The following RAPGEF2 variants were observed in gnomAD, a reference collection of about 807,000 sequenced individuals.
The protein encoded by RAPGEF2 is Rap guanine nucleotide exchange factor 2.
A neutral mutation model predicts 186.7 loss-of-function variants in RAPGEF2; 54 were observed. The observed-to-expected ratio is 0.29, with a 90% CI of 0.23 to 0.36. The LOEUF is 0.36. Among genes scored for constraint, RAPGEF2 ranks in the 10% least tolerant of loss-of-function variants. The pLI is 1.00. For missense variants in RAPGEF2, 1,532 were observed against 2,045.0 expected (o/e 0.75, Z 4.84); for synonymous variants, 712 against 705.9 (o/e 1.01, Z -0.14).
chr4:159,127,139 G>A (rs961108389), intron 1 of RAPGEF2, among the ~76,000 whole-genome samples: 8 of 152,272 alleles, frequency 5.3e-5, no homozygotes, highest in Non-Finnish European at 1.2e-4. Context: ...CGATTCTCCT[G>A]CCTCAGCCTC....
chr4:159,120,896 C>T (rs1173961313), intron 1 of RAPGEF2, among the ~76,000 whole-genome samples: 1 of 151,736 alleles, frequency 6.6e-6, no homozygotes, highest in African/African-American at 2.4e-5. Flanking sequence ...GCCCTGTTGC[C>T]CAGGCTATAG....
At chr4:159,243,874 T>G in intron 7 of RAPGEF2, 83 bp downstream of exon 7, 1 of 1,009,966 alleles carries the variant, frequency 9.9e-7, no homozygotes, top group Admixed American at 2.3e-5. Context: ...TTTATAATAT[T>G]CATATGTTTT....
At chr4:159,119,444 T>C (rs1434997680) in intron 1 of RAPGEF2, among the ~76,000 whole-genome samples, 1 of 152,218 alleles carries the variant, frequency 6.6e-6, no homozygotes, top group African/African-American at 2.4e-5. Flanking sequence ...AGTATTTTGC[T>C]TTTAAGCCTC....
At chr4:159,251,923 C>T (rs1755473443) in intron 7 of RAPGEF2, among the ~76,000 whole-genome samples, 1 of 151,974 alleles carries the variant, frequency 6.6e-6, no homozygotes, top group Non-Finnish European at 1.5e-5. Flanking sequence ...TTGGGTCTGC[C>T]ACGTCTTTAA....
chr4:159,268,132 C>T, intron 7 of RAPGEF2: 1 of 1,611,538 alleles, frequency 6.2e-7, no homozygotes, highest in Non-Finnish European at 8.5e-7. Context: ...TGTGTAAATT[C>T]AGTTCAGCAT....
rs781603441 is a variant in RAPGEF2, at chr4:159,314,744, A to C, written c.829A>C (p.Ile277Leu). 6.2e-7 allele frequency: 1 copy of C among 1,609,452 alleles called. No individual in the cohort carries two copies. Among genetic ancestry groups the C allele is most frequent in the Non-Finnish European group, 8.5e-7 (1 of 1,178,608 alleles). Residue 277 changes from isoleucine to leucine, a missense_variant, in exon 9 of 30, where the codon ATT becomes CTT. Physicochemically the swap from Ile to Leu is conservative, Grantham distance 5. Around this residue, in one of 4 missense-constraint regions of RAPGEF2, gnomAD observed 810 missense variants for 1,210.5 expected, o/e 0.67. Coordinates refer to ENST00000691494, the MANE Select transcript of RAPGEF2 (RefSeq NM_001394067.2). ...GAGAGACTGCCTAGAGAAGGACCCA[A>C]TTGACCGGACAGATGATGACATTGG... ...IVRDCLEKDP[I>L]DRTDDDIEQL...
intron 1 of RAPGEF2, among the ~76,000 whole-genome samples, chr4:159,156,341 TC>T (rs1744114693): frequency 6.6e-6 from 1 of 152,218 alleles, no homozygotes; most frequent in South Asian, 2.1e-4. Context: ...TTACTAATTT[TC>T]TTTGAACAAT....
intron 1 of RAPGEF2, among the ~76,000 whole-genome samples, chr4:159,116,989 A>T (rs1376973977): frequency 6.6e-6 from 1 of 152,220 alleles, no homozygotes; most frequent in East Asian, 1.9e-4. Context: ...TGTTACCTAT[A>T]ACAAGCCTGC....
At chr4:159,295,866 A>G (rs1761953897) in intron 7 of RAPGEF2, among the ~76,000 whole-genome samples, 1 of 152,134 alleles carries the variant, frequency 6.6e-6, no homozygotes, top group Non-Finnish European at 1.5e-5. Flanking sequence ...ATCAGAAAAT[A>G]AGCCACCTTA....
chr4:159,172,443 T>G (rs767390588), intron 1 of RAPGEF2, among the ~76,000 whole-genome samples: 1 of 152,184 alleles, frequency 6.6e-6, no homozygotes, highest in Non-Finnish European at 1.5e-5. Flanking sequence ...CTTCATAGGA[T>G]ATTCACTCTT....
intron 4 of RAPGEF2, among the ~76,000 whole-genome samples, chr4:159,210,858 T>C (rs1469672688): frequency 1.3e-5 from 2 of 152,218 alleles, no homozygotes; most frequent in African/African-American, 4.8e-5. Flanking sequence ...CATTTGCTCC[T>C]AGGGAATAAA....
chr4:159,294,313 G>A (rs151223242), intron 7 of RAPGEF2, among the ~76,000 whole-genome samples: 208 of 152,162 alleles, frequency 1.4e-3, no homozygotes, highest in African/African-American at 4.8e-3. Context: ...CTTCAGTTGG[G>A]ATAACTAAGT....
At chr4:159,337,915 AAAG>A (rs1276226655) in intron 17 of RAPGEF2, among the ~76,000 whole-genome samples, 3 of 145,390 alleles carry the variant, frequency 2.1e-5, no homozygotes, top group Non-Finnish European at 4.5e-5. Context: ...AAAAAAAAAG[AAAG>A]AAAAACCATA....
At chr4:159,253,219 G>A (rs982848456) in intron 7 of RAPGEF2, among the ~76,000 whole-genome samples, 2 of 152,212 alleles carry the variant, frequency 1.3e-5, no homozygotes, top group Non-Finnish European at 2.9e-5. Flanking sequence ...ACCAGTAGTG[G>A]TTTCTTAAAG....
chr4:159,145,472 A>G (rs1742851836), intron 1 of RAPGEF2, among the ~76,000 whole-genome samples: 1 of 152,052 alleles, frequency 6.6e-6, no homozygotes, highest in African/African-American at 2.4e-5. Flanking sequence ...TAATTTACCA[A>G]AAACATTGCC....
chr4:159,110,469 C>T (rs183579007), intron 1 of RAPGEF2, among the ~76,000 whole-genome samples: 43 of 152,136 alleles, frequency 2.8e-4, no homozygotes, highest in African/African-American at 9.2e-4. Flanking sequence ...CCCAGCTACT[C>T]GGGGAGACTG....
intron 7 of RAPGEF2, among the ~76,000 whole-genome samples, chr4:159,246,715 AAT>A (rs778945847): frequency 3.3e-5 from 5 of 152,148 alleles, no homozygotes; most frequent in Non-Finnish European, 7.4e-5. Context: ...TATGTTCTTA[AAT>A]AAGAAGTAGG....
intron 2 of RAPGEF2, among the ~76,000 whole-genome samples, chr4:159,192,950 C>T (rs1329678379): frequency 6.6e-6 from 1 of 152,090 alleles, no homozygotes; most frequent in Non-Finnish European, 1.5e-5. Context: ...TGTTCTTCCC[C>T]ATAAAATAAA....
At chr4:159,350,898 G>A (rs911393560) in intron 26 of RAPGEF2, among the ~76,000 whole-genome samples, 1 of 152,204 alleles carries the variant, frequency 6.6e-6, no homozygotes, top group Admixed American at 6.5e-5. Context: ...TTCCCTAAAG[G>A]AAAGCCAAAA....
Sources: allele counts gnomAD v4.1 joint callset (sites outside exome capture counted in the v4.1 genomes callset), GRCh38; gene constraint gnomAD v4.1.1; regional missense constraint gnomAD v4.1.1; transcripts MANE v1.5; gene names NCBI Gene and HGNC (gene_info 2026-07-23, HGNC 2026-07-21).